IL1RAPL1: variants seen among roughly 807,000 people sequenced by gnomAD.
IL1RAPL1 encodes interleukin 1 receptor accessory protein like 1.
Under a neutral mutation model 48.4 loss-of-function variants are expected in IL1RAPL1, and 3 were observed. The ratio of observed to expected loss-of-function variants is 0.06; its 90% CI spans 0.03 to 0.16. The LOEUF (loss-of-function observed/expected upper bound fraction) is 0.16, where lower values mean the gene tolerates loss of function less well. Among genes scored for constraint, IL1RAPL1 ranks in the 10% least tolerant of loss-of-function variants. The probability of loss-of-function intolerance (pLI) is 1.00; values close to 1 mark genes in which losing one functional copy is unlikely to be tolerated. For missense variants in IL1RAPL1, 349 were observed against 530.6 expected, an observed-to-expected ratio of 0.66 and a Z score of 3.36; for synonymous variants, 185 against 187.7, an observed-to-expected ratio of 0.99 and a Z score of 0.12.
chrX:29,075,853 C>T (rs1927658953), intron 2 of IL1RAPL1, among the ~76,000 whole-genome samples: 1 of 111,749 alleles, frequency 8.9e-6, no homozygotes, highest in Admixed American at 9.5e-5. Flanking sequence ...TATATTTATA[C>T]ATAGGAGTGC....
chrX:29,316,289 C>T, intron 3 of IL1RAPL1, among the ~76,000 whole-genome samples: 1 of 112,067 alleles, frequency 8.9e-6, no homozygotes, highest in Non-Finnish European at 1.9e-5. Context: ...TGGTTATGAA[C>T]TATCACTGAT....
chrX:28,949,951 C>A (rs1172687785), intron 2 of IL1RAPL1, among the ~76,000 whole-genome samples: 8 of 110,386 alleles, frequency 7.2e-5, no homozygotes, highest in Middle Eastern at 4.7e-3. Flanking sequence ...TAATTAGATC[C>A]CATTTGTCAA....
intron 2 of IL1RAPL1, among the ~76,000 whole-genome samples, chrX:29,020,427 A>G (rs1211108980): frequency 8.9e-6 from 1 of 112,362 alleles, no homozygotes; most frequent in Non-Finnish European, 1.9e-5. Context: ...TATTCAGTAC[A>G]GTGATATGCT....
At chrX:29,918,144 AATAT>A (rs748970921) in intron 7 of IL1RAPL1, among the ~76,000 whole-genome samples, 365 of 23,781 alleles carry the variant, frequency 0.015, 28 homozygotes, top group African/African-American at 0.083. Flanking sequence ...AAAAAAAAAA[AATAT>A]ATATATATAT....
Position 29,207,575 on chromosome X carries a change from C to T in IL1RAPL1, c.83-75363C>T, listed in dbSNP as rs187661679. Among the ~76,000 whole-genome samples, 331 of 112,129 alleles carry T rather than the reference C, an allele frequency of 3.0e-3. 2 individuals carry two copies. The highest frequency in any genetic ancestry group is 5.4e-3 in the Non-Finnish European group (286 of 53,248). On this transcript the variant is annotated intron_variant, in intron 2 of 10. Coordinates refer to ENST00000378993, the MANE Select transcript of IL1RAPL1 (RefSeq NM_014271.4). ...ATAACTATATCACCTTAATTTCTTT[C>T]TTACGAGTTTTAGTGTGGTTTCTCA... is the stretch of plus-strand genomic sequence containing the variant.
intron 2 of IL1RAPL1, among the ~76,000 whole-genome samples, chrX:28,972,462 G>A (rs1369977246): frequency 9.0e-6 from 1 of 111,589 alleles, no homozygotes; most frequent in African/African-American, 3.3e-5. Context: ...CTGTGGGTCG[G>A]GCGCGGTGGC....
At chrX:28,819,982 A>C in intron 2 of IL1RAPL1, among the ~76,000 whole-genome samples, 1 of 65,890 alleles carries the variant, frequency 1.5e-5, no homozygotes, top group East Asian at 5.1e-4. Context: ...ATATATATAT[A>C]TATATATATA....
intron 2 of IL1RAPL1, among the ~76,000 whole-genome samples, chrX:29,148,826 T>G (rs749245036): frequency 2.7e-5 from 3 of 111,752 alleles, no homozygotes; most frequent in African/African-American, 9.7e-5. Flanking sequence ...ATATTTATAC[T>G]GACAGATACA....
intron 8 of IL1RAPL1, among the ~76,000 whole-genome samples, chrX:29,924,191 G>T (rs1932867878): frequency 8.9e-6 from 1 of 112,070 alleles, no homozygotes. Context: ...CCCAAAAAAT[G>T]TTAAGCTATT....
intron 2 of IL1RAPL1, among the ~76,000 whole-genome samples, chrX:29,213,328 G>A (rs758405288): frequency 8.9e-6 from 1 of 112,344 alleles, no homozygotes; most frequent in Non-Finnish European, 1.9e-5. Flanking sequence ...CTCTATTCCC[G>A]ATCTTCATCA....
rs200366562 is a variant in IL1RAPL1, at chrX:28,768,824, G to GTATA, written c.-24-20472_-24-20469dup. Among the ~76,000 whole-genome samples the GTATA allele has an allele frequency of 9.0e-3, 639 of 71,185 alleles. 3 individuals carry two copies. The highest frequency in any genetic ancestry group is 0.012 in the Non-Finnish European group (465 of 37,769). The allele number at this position is 71,185 out of a possible 115,157, so 61.8% of individuals were successfully genotyped here. ...GACATTATATATATAATGTGTGTGTGTATATATATATATATATATATATAT... is the reference window on the plus strand; with the variant it reads ...GACATTATATATATAATGTGTGTGTGTATATATATATATATATATATATATATAT... On this transcript the variant is annotated intron_variant, in intron 1 of 10. Coordinates refer to ENST00000378993, the MANE Select transcript of IL1RAPL1 (RefSeq NM_014271.4).
intron 2 of IL1RAPL1, among the ~76,000 whole-genome samples, chrX:29,191,377 G>A (rs1930349415): frequency 9.0e-6 from 1 of 111,291 alleles, no homozygotes; most frequent in African/African-American, 3.3e-5. Context: ...AACCCTCGGA[G>A]TCACTTTCAG....
At chrX:29,251,344 C>T (rs761588026) in intron 2 of IL1RAPL1, among the ~76,000 whole-genome samples, 8 of 111,030 alleles carry the variant, frequency 7.2e-5, no homozygotes, top group African/African-American at 1.6e-4. Context: ...CAAAACAAAC[C>T]GACAAACACA....
intron 2 of IL1RAPL1, among the ~76,000 whole-genome samples, chrX:28,949,142 TCAGA>T (rs1924382982): frequency 9.0e-6 from 1 of 111,063 alleles, no homozygotes; most frequent in Non-Finnish European, 1.9e-5. Context: ...AATTAACACT[TCAGA>T]CAGTCTCCAA....
chrX:29,144,176 C>A (rs1929299825), intron 2 of IL1RAPL1, among the ~76,000 whole-genome samples: 1 of 110,850 alleles, frequency 9.0e-6, no homozygotes, highest in East Asian at 2.8e-4. Flanking sequence ...GGGCTATATA[C>A]CTTAAGAGCA....
intron 2 of IL1RAPL1, among the ~76,000 whole-genome samples, chrX:29,015,458 G>GCATC (rs1926219581): frequency 1.8e-5 from 2 of 110,451 alleles, no homozygotes; most frequent in Non-Finnish European, 3.8e-5. Context: ...TATATTGATG[G>GCATC]TAGATGCCAT....
At chrX:29,405,468 G>A (rs1488505783) in intron 5 of IL1RAPL1, among the ~76,000 whole-genome samples, 2 of 97,768 alleles carry the variant, frequency 2.0e-5, no homozygotes, top group Admixed American at 1.0e-4. Context: ...CCGGGTTCAC[G>A]CCATTCTCCT....
chrX:29,545,839 A>G (rs914218989), intron 5 of IL1RAPL1, among the ~76,000 whole-genome samples: 19 of 112,008 alleles, frequency 1.7e-4, no homozygotes, highest in African/African-American at 5.8e-4. Context: ...CTCTTGGGTA[A>G]GAAGTACATG....
At chrX:28,607,319 A>C (rs1733388801) in intron 1 of IL1RAPL1, among the ~76,000 whole-genome samples, 1 of 110,820 alleles carries the variant, frequency 9.0e-6, no homozygotes, top group Non-Finnish European at 1.9e-5. Context: ...AGCTTATATT[A>C]TTTTCTTCTT....
Sources: allele counts gnomAD v4.1 joint callset (sites outside exome capture counted in the v4.1 genomes callset), GRCh38; gene constraint gnomAD v4.1.1; transcripts MANE v1.5; gene names NCBI Gene and HGNC (gene_info 2026-07-23, HGNC 2026-07-21).